The following ZBTB20 variants were observed in gnomAD, a reference collection of about 807,000 sequenced individuals.
ZBTB20 encodes the protein zinc finger and BTB domain-containing protein 20.
ZBTB20 carries 9 observed loss-of-function variants against 56.9 expected under a neutral mutation model. The observed-to-expected ratio is 0.16, with a 90% CI of 0.10 to 0.28. The LOEUF is 0.28. Ranked by LOEUF, ZBTB20 falls within the 10% of genes least tolerant of loss-of-function variation. ZBTB20 has a pLI of 1.00. For synonymous variants in ZBTB20, 417 were observed against 420.7 expected, an observed-to-expected ratio of 0.99 and a Z score of 0.11; for missense variants, 655 against 1,003.0, an observed-to-expected ratio of 0.65 and a Z score of 4.69.
At chr3:115,072,132 C>A (rs928102556) in intron 1 of ZBTB20, among the ~76,000 whole-genome samples, 1 of 152,032 alleles carries the variant, frequency 6.6e-6, no homozygotes, top group Non-Finnish European at 1.5e-5. Flanking sequence ...AACATTCTTG[C>A]GAGTAAAAGA....
chr3:114,874,143 G>A (rs1223230005), intron 4 of ZBTB20: 8 of 152,148 alleles, frequency 5.3e-5, no homozygotes, highest in African/African-American at 1.4e-4. Flanking sequence ...ATTCTGTCAG[G>A]TTATATAGAG....
At position 114,332,362 on chromosome 3, in the gene ZBTB20, G is replaced by A. The variant is rs1306506598; in HGVS notation, c.*6643C>T. The A allele has an allele frequency of 6.6e-6, 1 of 152,204 alleles. No individual in the cohort carries two copies. The highest frequency in any genetic ancestry group is 6.5e-5 in the Admixed American group (1 of 15,280). 9.4% of individuals were successfully genotyped at this position (152,204 alleles called of 1,614,324 possible). Reference sequence around the variant, plus strand: ...TAGAGATATACACTGTATAGAGAAAGAAAGCTTTTTGCTGGATTGTTCTCC... The same window carrying A: ...TAGAGATATACACTGTATAGAGAAAAAAAGCTTTTTGCTGGATTGTTCTCC... On this transcript the variant is annotated 3_prime_UTR_variant, in exon 12 of 12. Transcript: ENST00000675478.
At chr3:114,363,624 A>G (rs9288997) in intron 10 of ZBTB20, among the ~76,000 whole-genome samples, 85,460 of 151,986 alleles carry the variant, frequency 0.56, 24,301 homozygotes, top group East Asian at 0.88. Flanking sequence ...TGTTGTAGGG[A>G]CAAATAGAAT....
chr3:115,019,061 T>C (rs1173743069), intron 2 of ZBTB20, among the ~76,000 whole-genome samples: 2 of 151,312 alleles, frequency 1.3e-5, no homozygotes, highest in South Asian at 4.1e-4. Context: ...GACATCAATT[T>C]ATGGTTTGAA....
chr3:114,477,784 C>T (rs1411686891), intron 7 of ZBTB20, among the ~76,000 whole-genome samples: 2 of 151,850 alleles, frequency 1.3e-5, no homozygotes. Flanking sequence ...CATGAGCCAC[C>T]GCGCCCGGTC....
In ZBTB20 at chr3:114,624,359, A is replaced by AAC. The variant is rs1407915001; in HGVS notation, c.-295+69168_-295+69169insGT. On this transcript the variant is annotated intron_variant, in intron 6 of 11. Transcript: ENST00000675478. ...ATAAATAAACAACAGTAAGAGAAAC[A>AAC]AAAAAAAAAAAAACCCATCCCGTCC... 2.6e-4 allele frequency among the ~76,000 whole-genome samples: 23 copies of AAC among 88,618 alleles called. No individual in the cohort carries two copies. In the East Asian group the frequency reaches 2.6e-3, roughly 10 times the overall value. 58.1% of individuals were successfully genotyped at this position (88,618 alleles called of 152,430 possible).
At chr3:114,676,204 C>A (rs919422170) in intron 6 of ZBTB20, among the ~76,000 whole-genome samples, 1 of 152,190 alleles carries the variant, frequency 6.6e-6, no homozygotes. Flanking sequence ...ATCTTCTCAA[C>A]AAATTACGTA....
chr3:114,478,664 T>C (rs2041157678), intron 7 of ZBTB20, among the ~76,000 whole-genome samples: 1 of 152,194 alleles, frequency 6.6e-6, no homozygotes, highest in Non-Finnish European at 1.5e-5. Context: ...TATTTTACTT[T>C]AAATATGTAA....
At chr3:114,480,266 G>A (rs530683146) in intron 7 of ZBTB20, among the ~76,000 whole-genome samples, 1 of 152,108 alleles carries the variant, frequency 6.6e-6, no homozygotes, top group African/African-American at 2.4e-5. Flanking sequence ...TTCCCAGCAA[G>A]GAGAAAGTGT....
At chr3:114,689,785 GAC>G (rs1157196232) in intron 6 of ZBTB20, among the ~76,000 whole-genome samples, 1 of 152,104 alleles carries the variant, frequency 6.6e-6, no homozygotes, top group African/African-American at 2.4e-5. Flanking sequence ...TGTGATATGA[GAC>G]ACATAATTTA....
At chr3:114,958,055 T>G (rs2077310450) in intron 3 of ZBTB20, among the ~76,000 whole-genome samples, 1 of 152,222 alleles carries the variant, frequency 6.6e-6, no homozygotes, top group African/African-American at 2.4e-5. Flanking sequence ...CATCTCCATT[T>G]GAGTGTCTCT....
intron 4 of ZBTB20, among the ~76,000 whole-genome samples, chr3:114,891,913 G>T (rs1380774885): frequency 6.6e-6 from 1 of 152,050 alleles, no homozygotes; most frequent in Non-Finnish European, 1.5e-5. Flanking sequence ...CGGGTGTGGT[G>T]GCGGGCACCT....
At chr3:115,134,821 G>A (rs2084611326) in intron 1 of ZBTB20, among the ~76,000 whole-genome samples, 1 of 152,108 alleles carries the variant, frequency 6.6e-6, no homozygotes, top group African/African-American at 2.4e-5. Context: ...AGGTCTGGTT[G>A]CCAGATTATC....
intron 7 of ZBTB20, among the ~76,000 whole-genome samples, chr3:114,440,915 C>T (rs1367851830): frequency 6.6e-6 from 1 of 152,188 alleles, no homozygotes; most frequent in Non-Finnish European, 1.5e-5. Context: ...TAGGGCTGTC[C>T]TCTCTGAGTC....
chr3:114,993,447 T>C (rs765054571), intron 2 of ZBTB20, among the ~76,000 whole-genome samples: 13 of 151,944 alleles, frequency 8.6e-5, no homozygotes, highest in Non-Finnish European at 1.8e-4. Flanking sequence ...TGTAAAAACT[T>C]CACCTTTTGA....
intron 6 of ZBTB20, among the ~76,000 whole-genome samples, chr3:114,674,167 A>G (rs184816121): frequency 1.3e-5 from 2 of 152,344 alleles, no homozygotes; most frequent in Admixed American, 6.5e-5. Flanking sequence ...ACTTTCATAT[A>G]TTGAATGTGA....
chr3:115,131,012 C>T (rs1430810522), intron 1 of ZBTB20, among the ~76,000 whole-genome samples: 4 of 152,176 alleles, frequency 2.6e-5, no homozygotes, highest in Non-Finnish European at 2.9e-5. Flanking sequence ...CCAGCTGCCT[C>T]GGCCTCCCAA....
chr3:115,017,493 A>G (rs752411399), intron 2 of ZBTB20, among the ~76,000 whole-genome samples: 2 of 151,604 alleles, frequency 1.3e-5, no homozygotes, highest in Non-Finnish European at 3.0e-5. Flanking sequence ...TTTCCATTAA[A>G]CTATCATTGG....
At chr3:114,589,337 C>T (rs758761878) in intron 6 of ZBTB20, among the ~76,000 whole-genome samples, 25 of 152,168 alleles carry the variant, frequency 1.6e-4, no homozygotes, top group Admixed American at 3.3e-4. Context: ...CCTTTCTCCT[C>T]ACCCAACATG....
Sources: gnomAD v4.1 joint callset for allele counts (sites outside exome capture counted in the v4.1 genomes callset) on GRCh38, gnomAD v4.1.1 for gene constraint, MANE v1.5 for transcripts, NCBI Gene and HGNC (gene_info 2026-07-23, HGNC 2026-07-21) for gene names.